AIG1: variants seen among roughly 807,000 people sequenced by gnomAD.
AIG1 encodes the protein androgen-induced gene 1 protein.
Under a neutral mutation model 31.4 loss-of-function variants are expected in AIG1, and 23 were observed. That is an observed-to-expected ratio of 0.73 (90% CI 0.53 to 1.04). The LOEUF is 1.04. AIG1 is among the 50% of genes least tolerant of loss of function. AIG1 has a pLI of 0.00. For missense variants in AIG1, 274 were observed against 295.0 expected (o/e 0.93, Z 0.52); for synonymous variants, 100 against 110.5 (o/e 0.90, Z 0.60).
rs575184124 is a variant in AIG1 at position 143,065,195 on chromosome 6, T to G, written c.141+4129T>G. 2.0e-5 allele frequency among the ~76,000 whole-genome samples: 3 copies of G among 152,340 alleles called. No homozygotes were observed. In the East Asian group the frequency reaches 5.8e-4, roughly 29 times the overall value. On this transcript the variant is annotated intron_variant, in intron 1 of 5. Coordinates refer to ENST00000357847, the MANE Select transcript of AIG1 (RefSeq NM_016108.4). The stretch of plus-strand genomic sequence containing the variant: ...TTGTGGTTTTTCGGTTGCCCCAGAC[T>G]TCTTGGCTCCTGCAGGCCATCTGGA...
chr6:143,143,528 A>AAAAAAAATATATATATATAT (rs1554249782), intron 2 of AIG1, among the ~76,000 whole-genome samples: 2 of 27,792 alleles, frequency 7.2e-5, no homozygotes, highest in Non-Finnish European at 7.9e-5. Context: ...AAAAAAAAAA[A>AAAAAAAATATATATATATAT]ATATATATAT....
At chr6:143,275,568 C>T (rs1476482464) in intron 3 of AIG1, among the ~76,000 whole-genome samples, 2 of 152,126 alleles carry the variant, frequency 1.3e-5, no homozygotes, top group Non-Finnish European at 2.9e-5. Flanking sequence ...TAACAGTGCC[C>T]TTAGTGGACT....
intron 4 of AIG1, among the ~76,000 whole-genome samples, chr6:143,309,482 A>T (rs1410870055): frequency 6.6e-6 from 1 of 151,946 alleles, no homozygotes; most frequent in Non-Finnish European, 1.5e-5. Context: ...TATAAAAAGA[A>T]ATACTTTTAA....
intron 3 of AIG1, among the ~76,000 whole-genome samples, chr6:143,267,601 G>T (rs989993346): frequency 2.0e-5 from 3 of 152,114 alleles, no homozygotes; most frequent in African/African-American, 7.2e-5. Flanking sequence ...AAGCTGAAAA[G>T]ATTCTCAAGG....
At chr6:143,266,245 G>A (rs1013966905) in intron 3 of AIG1, among the ~76,000 whole-genome samples, 1 of 151,240 alleles carries the variant, frequency 6.6e-6, no homozygotes, top group Non-Finnish European at 1.5e-5. Context: ...TACTCGGGAG[G>A]CTGAGGTAAG....
At chr6:143,107,167 A>G (rs1172739899) in intron 1 of AIG1, among the ~76,000 whole-genome samples, 1 of 152,252 alleles carries the variant, frequency 6.6e-6, no homozygotes, top group Admixed American at 6.5e-5. Context: ...AGGTAAATGA[A>G]GTTTTTATAA....
At chr6:143,296,138 G>A (rs1798410200) in intron 4 of AIG1, among the ~76,000 whole-genome samples, 1 of 151,910 alleles carries the variant, frequency 6.6e-6, no homozygotes, top group African/African-American at 2.4e-5. Flanking sequence ...ACCATATAAA[G>A]GGTTTACGAC....
intron 3 of AIG1, among the ~76,000 whole-genome samples, chr6:143,171,496 A>T (rs1787600188): frequency 8.2e-6 from 1 of 121,876 alleles, no homozygotes; most frequent in South Asian, 2.3e-4. Context: ...TAAATATATA[A>T]TATATATTTA....
intron 4 of AIG1, among the ~76,000 whole-genome samples, chr6:143,305,474 T>C (rs1022440819): frequency 3.7e-4 from 56 of 152,162 alleles, no homozygotes; most frequent in Non-Finnish European, 5.7e-4. Context: ...GCCTTCATTT[T>C]GTTATGTACC....
chr6:143,090,295 TTCTA>T (rs61561583), intron 1 of AIG1, among the ~76,000 whole-genome samples: 19,250 of 152,012 alleles, frequency 0.13, 3,716 homozygotes, highest in African/African-American at 0.42. Flanking sequence ...CTATCTGTCT[TTCTA>T]TCTATCTATC....
At chr6:143,307,682 A>G (rs1049906204) in intron 4 of AIG1, among the ~76,000 whole-genome samples, 5 of 152,140 alleles carry the variant, frequency 3.3e-5, no homozygotes, top group African/African-American at 7.2e-5. Context: ...CAGTCTGCCC[A>G]TTCTCAGATC....
chr6:143,268,884 A>T lies in AIG1; in HGVS notation c.400-15226A>T, dbSNP rs2128665402. On this transcript the variant is annotated intron_variant, in intron 3 of 5. Transcript: ENST00000357847. The surrounding 1 kb of genome is among the most constrained non-coding windows in gnomAD (Gnocchi z 5.0). Reference sequence around the variant, plus strand: ...CTAAGCCCTCTCCAGAACTGCCCTTATGTGAAGACAGCAGCCTTACTAAGT... The same window carrying T: ...CTAAGCCCTCTCCAGAACTGCCCTTTTGTGAAGACAGCAGCCTTACTAAGT... Among the ~76,000 whole-genome samples the T allele has an allele frequency of 6.6e-6, 1 of 152,284 alleles. No individual in the cohort carries two copies. Among genetic ancestry groups the T allele is most frequent in the Non-Finnish European group, 1.5e-5 (1 of 67,996 alleles).
chr6:143,315,275 A>C (rs1187653598), intron 4 of AIG1, among the ~76,000 whole-genome samples: 1 of 152,124 alleles, frequency 6.6e-6, no homozygotes, highest in African/African-American at 2.4e-5. Context: ...GTTTAATGTA[A>C]GCCTAACCAA....
chr6:143,141,647 C>T (rs1265846372), intron 2 of AIG1, among the ~76,000 whole-genome samples: 1 of 152,184 alleles, frequency 6.6e-6, no homozygotes, highest in African/African-American at 2.4e-5. Flanking sequence ...AGCCTTGCAA[C>T]TAATTTTGCA....
chr6:143,244,163 G>T (rs1794450691), intron 3 of AIG1, among the ~76,000 whole-genome samples: 1 of 152,222 alleles, frequency 6.6e-6, no homozygotes, highest in Non-Finnish European at 1.5e-5. Context: ...AATGGTACTG[G>T]AAGACAGAAG....
chr6:143,169,557 G>T (rs891216539), intron 3 of AIG1, among the ~76,000 whole-genome samples: 11 of 151,864 alleles, frequency 7.2e-5, no homozygotes, highest in African/African-American at 2.7e-4. Context: ...CTCCTATCTA[G>T]CTATAATTGT....
intron 2 of AIG1, among the ~76,000 whole-genome samples, chr6:143,140,248 GAC>G (rs1476127585): frequency 1.3e-5 from 2 of 152,120 alleles, no homozygotes; most frequent in Non-Finnish European, 2.9e-5. Context: ...TCCCTCCCAC[GAC>G]ACACAGAGAT....
intron 2 of AIG1, among the ~76,000 whole-genome samples, chr6:143,154,578 A>G (rs1785544281): frequency 1.3e-5 from 2 of 152,218 alleles, no homozygotes; most frequent in Admixed American, 6.5e-5. Context: ...ATACTTCTGT[A>G]TCTCGAGCAG....
intron 1 of AIG1, among the ~76,000 whole-genome samples, chr6:143,094,509 C>T (rs1779579169): frequency 6.6e-6 from 1 of 152,096 alleles, no homozygotes; most frequent in Non-Finnish European, 1.5e-5. Context: ...AGAGAACCAG[C>T]CGGTGAGTAG....
Sources: allele counts gnomAD v4.1 joint callset (sites outside exome capture counted in the v4.1 genomes callset), GRCh38; gene constraint gnomAD v4.1.1; non-coding constraint Gnocchi (gnomAD v3.1); transcripts MANE v1.5; gene names NCBI Gene and HGNC (gene_info 2026-07-23, HGNC 2026-07-21).